Variants in GYPC observed in about 807,000 individuals in gnomAD.
GYPC encodes glycophorin C (Gerbich blood group).
A neutral mutation model predicts 12.6 loss-of-function variants in GYPC; 14 were observed. That is an observed-to-expected ratio of 1.11 (90% CI 0.74 to 1.74). The LOEUF is 1.74. Among genes scored for constraint, GYPC ranks in the 40% most tolerant of loss-of-function variants. The pLI, the probability that GYPC is intolerant of heterozygous loss-of-function variation, is 0.00. For synonymous variants in GYPC, 78 were observed against 62.1 expected, an observed-to-expected ratio of 1.26 and a Z score of -1.20; for missense variants, 225 against 172.1, an observed-to-expected ratio of 1.31 and a Z score of -1.72.
At chr2:126,670,602 G>A (rs372957900) in intron 1 of GYPC, among the ~76,000 whole-genome samples, 36 of 152,276 alleles carry the variant, frequency 2.4e-4, no homozygotes, top group East Asian at 9.7e-4. Context: ...CTTCGAGGGG[G>A]CCAGGCTGGG....
intron 1 of GYPC, among the ~76,000 whole-genome samples, chr2:126,674,460 G>GCA (rs1682938588): frequency 2.8e-5 from 3 of 107,916 alleles, no homozygotes; most frequent in African/African-American, 4.5e-5. Context: ...ACAAGTGGGG[G>GCA]GGGAATACAG....
intron 1 of GYPC, among the ~76,000 whole-genome samples, chr2:126,681,213 T>C (rs1450046872): frequency 6.6e-6 from 1 of 152,208 alleles, no homozygotes; most frequent in Non-Finnish European, 1.5e-5. Context: ...TTAAGGTTTT[T>C]GTGGAATATT....
rs544526688 is a variant in GYPC, at chr2:126,687,822, G to A, written c.50-2433G>A. On this transcript the variant is annotated intron_variant, in intron 1 of 3. Transcript: ENST00000259254. The stretch of plus-strand genomic sequence containing the variant: ...TGCTGGAAGTGTGTGTAGTCTCCCA[G>A]TATACAGATTTGAGTACAAGGTCCC... Among the ~76,000 whole-genome samples the A allele has an allele frequency of 3.9e-5, 6 of 152,182 alleles. No individual in the cohort carries two copies. The East Asian group carries it at 9.7e-4, about 25-fold the overall frequency.
chr2:126,661,467 T>G (rs34234112), intron 1 of GYPC, among the ~76,000 whole-genome samples: 14,922 of 151,370 alleles, frequency 0.099, 1,449 homozygotes, highest in African/African-American at 0.26. Context: ...TTTTTTTTTT[T>G]TTGATACGGA....
At chr2:126,681,857 A>G (rs545534403) in intron 1 of GYPC, among the ~76,000 whole-genome samples, 4 of 152,032 alleles carry the variant, frequency 2.6e-5, no homozygotes, top group Non-Finnish European at 5.9e-5. Flanking sequence ...TGGTCTGGCC[A>G]TGAGTATCGT....
intron 1 of GYPC, among the ~76,000 whole-genome samples, chr2:126,680,678 C>T (rs754448781): frequency 3.9e-5 from 6 of 152,224 alleles, no homozygotes; most frequent in Non-Finnish European, 8.8e-5. Flanking sequence ...GCACATTTCT[C>T]AGTGTGCAAT....
chr2:126,666,605 C>G (rs1300439951), intron 1 of GYPC, among the ~76,000 whole-genome samples: 1 of 151,984 alleles, frequency 6.6e-6, no homozygotes, highest in Non-Finnish European at 1.5e-5. Context: ...CACTGAAACT[C>G]ATTCATCATT....
intron 1 of GYPC, among the ~76,000 whole-genome samples, chr2:126,661,765 C>T (rs746941922): frequency 6.6e-6 from 1 of 152,182 alleles, no homozygotes; most frequent in East Asian, 1.9e-4. Flanking sequence ...CTACCAGATG[C>T]CCCTTCTCTT....
chr2:126,682,224 C>T (rs1006684313), intron 1 of GYPC, among the ~76,000 whole-genome samples: 1 of 152,170 alleles, frequency 6.6e-6, no homozygotes, highest in Non-Finnish European at 1.5e-5. Flanking sequence ...GAAGCATTTC[C>T]CTGCTGCCTC....
intron 1 of GYPC, among the ~76,000 whole-genome samples, chr2:126,674,052 G>A (rs1190705398): frequency 2.0e-5 from 3 of 152,188 alleles, no homozygotes; most frequent in Non-Finnish European, 4.4e-5. Flanking sequence ...CACAAAGCCC[G>A]GACTCACAGG....
At position 126,663,944 on chromosome 2, in the gene GYPC, G is replaced by A. The variant is rs1308228676; in HGVS notation, c.49+7632G>A. ...GGGCTTGGAGCTGGGTCTCTCTAAG[G>A]TTCTGGTCTCTCTCTCTCTCTCTCT... On this transcript the variant is annotated intron_variant, in intron 1 of 3. Transcript: ENST00000259254. Among the ~76,000 whole-genome samples, 6 of 136,412 alleles carry A rather than the reference G, an allele frequency of 4.4e-5. No individual in the cohort carries two copies. In the South Asian group the frequency reaches 9.2e-4, roughly 21 times the overall value. 89.5% of individuals were successfully genotyped at this position (136,412 alleles called of 152,430 possible).
chr2:126,686,733 A>C (rs1470818389), intron 1 of GYPC: 8 of 978,958 alleles, frequency 8.2e-6, no homozygotes, highest in African/African-American at 1.8e-5. Flanking sequence ...CTTTCCAAAA[A>C]ATAGGTCCTC....
intron 3 of GYPC, among the ~76,000 whole-genome samples, chr2:126,695,554 G>A (rs1558895064): frequency 6.6e-6 from 1 of 152,196 alleles, no homozygotes. Flanking sequence ...GAATGCAAAA[G>A]CATTCAGTAG....
chr2:126,690,648 G>C (rs558333361), intron 2 of GYPC, among the ~76,000 whole-genome samples: 1 of 152,168 alleles, frequency 6.6e-6, no homozygotes, highest in South Asian at 2.1e-4. Context: ...GGGAGGTTGA[G>C]GGTGGAGGTG....
chr2:126,663,199 A>G lies in GYPC; in HGVS notation c.49+6887A>G, dbSNP rs138062032. Among the ~76,000 whole-genome samples the G allele has an allele frequency of 2.9e-4, 44 of 152,082 alleles. No individual in the cohort carries two copies. The East Asian group carries it at 7.9e-3, about 27-fold the overall frequency. The stretch of plus-strand genomic sequence containing the variant: ...ATTACAGACATGTGCCACCACGCCC[A>G]GCTAATTTTTGTATTTTTAGTAGAG... On this transcript the variant is annotated intron_variant, in intron 1 of 3. Transcript: ENST00000259254.
At chr2:126,675,059 C>T (rs1368874815) in intron 1 of GYPC, among the ~76,000 whole-genome samples, 1 of 152,138 alleles carries the variant, frequency 6.6e-6, no homozygotes, top group Non-Finnish European at 1.5e-5. Flanking sequence ...CAGATGATTC[C>T]AAGGTGCAGC....
chr2:126,693,505 C>T (rs1443624861), intron 2 of GYPC, among the ~76,000 whole-genome samples: 1 of 152,208 alleles, frequency 6.6e-6, no homozygotes, highest in Non-Finnish European at 1.5e-5. Flanking sequence ...ACTCCACAAA[C>T]ATTCTTTCTT....
chr2:126,663,960 CTCT>C (rs1558879079), intron 1 of GYPC, among the ~76,000 whole-genome samples: 28 of 26,602 alleles, frequency 1.1e-3, no homozygotes, highest in African/African-American at 2.7e-3. Flanking sequence ...GTCTCTCTCT[CTCT>C]CTCTCTCTCT....
At chr2:126,691,714 T>C (rs956947928) in intron 2 of GYPC, among the ~76,000 whole-genome samples, 62 of 152,310 alleles carry the variant, frequency 4.1e-4, no homozygotes, top group African/African-American at 1.3e-3. Flanking sequence ...GCAAGGACCA[T>C]GTTAAATTGC....
Sources: gnomAD v4.1 joint callset for allele counts (sites outside exome capture counted in the v4.1 genomes callset) on GRCh38, gnomAD v4.1.1 for gene constraint, MANE v1.5 for transcripts, NCBI Gene and HGNC (gene_info 2026-07-23, HGNC 2026-07-21) for gene names.